The following MYO3B variants were observed in gnomAD, a reference collection of about 807,000 sequenced individuals.
MYO3B encodes myosin IIIB.
A neutral mutation model predicts 174.6 loss-of-function variants in MYO3B; 156 were observed. The observed-to-expected ratio is 0.89, with a 90% CI of 0.78 to 1.02. The LOEUF (loss-of-function observed/expected upper bound fraction) is 1.02, where lower values mean the gene tolerates loss of function less well. Ranked by LOEUF, MYO3B falls within the 50% of genes least tolerant of loss-of-function variation. The pLI is 0.00. For missense variants in MYO3B, 1,632 were observed against 1,639.4 expected (o/e 1.00, Z 0.08); for synonymous variants, 563 against 569.1 (o/e 0.99, Z 0.15).
intron 32 of MYO3B, among the ~76,000 whole-genome samples, chr2:170,625,226 T>A (rs1696307645): frequency 6.6e-6 from 1 of 152,238 alleles, no homozygotes; most frequent in African/African-American, 2.4e-5. Context: ...AGCAGTTAAT[T>A]ATTGCCTCAA....
intron 9 of MYO3B, among the ~76,000 whole-genome samples, chr2:170,370,624 TACACACACACACACACACACACACAC>T (rs55790344): frequency 8.5e-5 from 11 of 129,544 alleles, no homozygotes; most frequent in African/African-American, 1.1e-4. Context: ...ACCACCCACC[TACACACACACACACACACACACACAC>T]ACACACACAC....
At chr2:170,340,720 C>G (rs1157203244) in intron 8 of MYO3B, 1 of 152,174 alleles carries the variant, frequency 6.6e-6, no homozygotes, top group Non-Finnish European at 1.5e-5. Context: ...CTCAGCCTCT[C>G]TGTGTAACAT....
intron 8 of MYO3B, among the ~76,000 whole-genome samples, chr2:170,337,394 A>T (rs1032898447): frequency 6.6e-6 from 1 of 152,176 alleles, no homozygotes; most frequent in African/African-American, 2.4e-5. Flanking sequence ...AATCCATTAC[A>T]TATTCACTAA....
intron 7 of MYO3B, among the ~76,000 whole-genome samples, chr2:170,263,760 A>G (rs142635030): frequency 3.1e-4 from 47 of 151,854 alleles, no homozygotes; most frequent in African/African-American, 1.1e-3. Context: ...TAGGAGACAG[A>G]TGCCTTCCTC....
intron 30 of MYO3B, among the ~76,000 whole-genome samples, chr2:170,538,886 T>C (rs1451807618): frequency 6.6e-6 from 1 of 152,212 alleles, no homozygotes; most frequent in East Asian, 1.9e-4. Context: ...CCATATACAC[T>C]GCTTCTGCCC....
At chr2:170,358,087 G>T (rs2094135788) in intron 8 of MYO3B, among the ~76,000 whole-genome samples, 1 of 151,950 alleles carries the variant, frequency 6.6e-6, no homozygotes, top group Non-Finnish European at 1.5e-5. Flanking sequence ...GGGAGGCAGA[G>T]GTTGCGGTGA....
intron 32 of MYO3B, among the ~76,000 whole-genome samples, chr2:170,545,440 T>A (rs1690417283): frequency 6.6e-6 from 1 of 152,246 alleles, no homozygotes; most frequent in Non-Finnish European, 1.5e-5. Context: ...GCTGTTACGG[T>A]AATTATTGTT....
In MYO3B at chr2:170,466,533, A is replaced by G. The variant is rs1200097966; in HGVS notation, c.2836A>G (p.Met946Val). The G allele has an allele frequency of 1.2e-6, 2 of 1,614,010 alleles. No individual in the cohort carries two copies. Among genetic ancestry groups the G allele is most frequent in the Non-Finnish European group, 1.7e-6 (2 of 1,180,024 alleles). Residue 946 changes from methionine (M) to valine (V), a missense_variant, in exon 25 of 35, where the codon ATG becomes GTG. Met to Val is a conservative substitution (Grantham distance 21). Transcript: ENST00000408978. ...TTCTCTGATGGACCTGCTCTCCAAA[A>G]TGGTGGTTGGACAGCCCCACTTTGT... Reference protein sequence around the residue: ...RYSLMDLLSKMVVGQPHFVRC... With the variant: ...RYSLMDLLSKVVVGQPHFVRC...
intron 9 of MYO3B, among the ~76,000 whole-genome samples, chr2:170,370,644 C>T (rs1251645422): frequency 1.4e-5 from 2 of 147,606 alleles, no homozygotes; most frequent in African/African-American, 5.2e-5. Flanking sequence ...CACACACACA[C>T]ACACACACAC....
intron 7 of MYO3B, among the ~76,000 whole-genome samples, chr2:170,255,143 C>T (rs938941363): frequency 6.6e-6 from 1 of 152,216 alleles, no homozygotes; most frequent in African/African-American, 2.4e-5. Flanking sequence ...CCTGCTCTGA[C>T]TCTGTCAACC....
chr2:170,556,593 C>G (rs891828569), intron 32 of MYO3B, among the ~76,000 whole-genome samples: 1 of 152,098 alleles, frequency 6.6e-6, no homozygotes, highest in Non-Finnish European at 1.5e-5. Context: ...ACGATCTTGG[C>G]TCACTGCAAC....
chr2:170,416,222 T>C lies in MYO3B; in HGVS notation c.2650+8378T>C, dbSNP rs10172291. On this transcript the variant is annotated intron_variant, in intron 22 of 34. Coordinates refer to ENST00000408978, the MANE Select transcript of MYO3B (RefSeq NM_138995.5). ...CCTGCCTCATACAGCCCAACAGCCATCTTAAAAGATACAAACTAGACCGGA... is the reference window on the plus strand; with the variant it reads ...CCTGCCTCATACAGCCCAACAGCCACCTTAAAAGATACAAACTAGACCGGA... Among the ~76,000 whole-genome samples, 1,249 of 152,172 alleles carry C rather than the reference T, an allele frequency of 8.2e-3. 15 individuals carry two copies. The highest frequency in any genetic ancestry group is 0.028 in the African/African-American group (1,166 of 41,508).
Position 170,652,126 on chromosome 2 carries a change from G to A in MYO3B, c.3859G>A (p.Gly1287Arg). ...TCCACAGGGAACTCTAGAATATCAA[G>A]GGAGCAAGAGGAAGCCAAGAAAACT... is the stretch of plus-strand genomic sequence containing the variant. ...NQLNGTLEYQ[G>R]SKRKPRKLGQ... The change falls in exon 34 of 35, where the codon GGG becomes AGG. Residue 1287 changes from glycine (G) to arginine (R), a missense_variant. Physicochemically the swap from Gly to Arg is moderately radical, Grantham distance 125. Coordinates refer to ENST00000408978, the MANE Select transcript of MYO3B (RefSeq NM_138995.5). 1 of 1,614,024 alleles carries A rather than the reference G, an allele frequency of 6.2e-7. No individual in the cohort carries two copies. The highest frequency in any genetic ancestry group is 8.5e-7 in the Non-Finnish European group (1 of 1,179,970).
chr2:170,328,963 C>G (rs762425291), intron 7 of MYO3B, among the ~76,000 whole-genome samples: 1 of 152,068 alleles, frequency 6.6e-6, no homozygotes, highest in Non-Finnish European at 1.5e-5. Flanking sequence ...GATTTCAAGA[C>G]CAGCCTGGCC....
intron 22 of MYO3B, among the ~76,000 whole-genome samples, chr2:170,421,633 G>A (rs72876382): frequency 0.054 from 8,161 of 152,230 alleles, 273 homozygotes; most frequent in Non-Finnish European, 0.068. Context: ...TGTGAGGGCC[G>A]TGCCCTCTTC....
chr2:170,180,050 A>T, intron 1 of MYO3B: 1 of 267,858 alleles, frequency 3.7e-6, no homozygotes, highest in Non-Finnish European at 8.3e-6. Context: ...AGCAATGGAA[A>T]TCTTCATCAT....
intron 32 of MYO3B, among the ~76,000 whole-genome samples, chr2:170,602,754 G>A (rs1324022463): frequency 1.3e-5 from 2 of 152,140 alleles, no homozygotes; most frequent in African/African-American, 2.4e-5. Context: ...GAGCCCATGG[G>A]ATAAAAGACA....
At chr2:170,405,989 G>A (rs10497368) in intron 21 of MYO3B, among the ~76,000 whole-genome samples, 62,523 of 151,998 alleles carry the variant, frequency 0.41, 13,265 homozygotes, top group Middle Eastern at 0.52. Flanking sequence ...AATGCAGGAA[G>A]GTTAATATCA....
At chr2:170,372,451 A>G (rs2094256034) in intron 9 of MYO3B, among the ~76,000 whole-genome samples, 1 of 152,196 alleles carries the variant, frequency 6.6e-6, no homozygotes, top group Admixed American at 6.5e-5. Flanking sequence ...GATCATGAAA[A>G]TAAACACTAC....
Sources: allele counts gnomAD v4.1 joint callset (sites outside exome capture counted in the v4.1 genomes callset), GRCh38; gene constraint gnomAD v4.1.1; transcripts MANE v1.5; gene names NCBI Gene and HGNC (gene_info 2026-07-23, HGNC 2026-07-21).